Variants in KCTD19 observed in about 807,000 individuals in gnomAD.
KCTD19 encodes the protein potassium channel tetramerization domain containing 19.
KCTD19 carries 67 observed loss-of-function variants against 103.5 expected under a neutral mutation model. The observed-to-expected ratio is 0.65, with a 90% confidence interval of 0.53 to 0.79. The LOEUF (loss-of-function observed/expected upper bound fraction) is 0.79, where lower values mean the gene tolerates loss of function less well. Among genes scored for constraint, KCTD19 ranks in the 30% least tolerant of loss-of-function variants. The pLI is 0.00. For synonymous variants in KCTD19, 439 were observed against 452.2 expected, an observed-to-expected ratio of 0.97 and a Z score of 0.37; for missense variants, 980 against 1,136.1, an observed-to-expected ratio of 0.86 and a Z score of 1.98.
chr16:67,324,922 T>G (rs1421721834), intron 1 of KCTD19, among the ~76,000 whole-genome samples: 1 of 152,196 alleles, frequency 6.6e-6, no homozygotes, highest in East Asian at 1.9e-4. Context: ...GAATTCTAAG[T>G]CCCAGCCCTT....
intron 3 of KCTD19, 100 bp downstream of exon 3, chr16:67,304,321 T>G: frequency 8.6e-7 from 1 of 1,163,378 alleles, no homozygotes; most frequent in Non-Finnish European, 1.3e-6. Context: ...GCCTCAGAAA[T>G]CAGGCACTCT....
chr16:67,326,736 G>A lies in KCTD19; in HGVS notation c.-29C>T, dbSNP rs2037186412. On this transcript the variant is annotated 5_prime_UTR_variant, in exon 1 of 16. Coordinates refer to ENST00000304372, the MANE Select transcript of KCTD19 (RefSeq NM_001100915.3). ...CGCGGCTCCAGCAGCGGGCGGGCGG[G>A]CTTGTGACCCGGCCAATAACGGTTC... The A allele has an allele frequency of 8.9e-6, 14 of 1,566,502 alleles. No homozygotes were observed. The highest frequency in any genetic ancestry group is 1.2e-5 in the Non-Finnish European group (14 of 1,162,150).
chr16:67,304,485 G>A lies in KCTD19; in HGVS notation c.387C>T (p.Tyr129=). ...LPVAERASLN[Y]WRTWKCISKP... ...TGCTAATACACTTCCATGTACGCCA[G>A]TAGTTCAGAGATGCTCTCTCAGCAA... Residue 129 remains tyrosine, a synonymous_variant, in exon 3 of 16, where the codon TAC becomes TAT. Coordinates refer to ENST00000304372, the MANE Select transcript of KCTD19 (RefSeq NM_001100915.3). The A allele has an allele frequency of 6.2e-7, 1 of 1,614,084 alleles. No homozygotes were observed. Among genetic ancestry groups the A allele is most frequent in the Non-Finnish European group, 8.5e-7 (1 of 1,179,924 alleles).
chr16:67,296,067 G>C, intron 8 of KCTD19, 92 bp downstream of exon 8: 2 of 799,160 alleles, frequency 2.5e-6, no homozygotes, highest in Non-Finnish European at 4.5e-6. Flanking sequence ...CTAAGCAAGT[G>C]CTGGAAGCTG....
Position 67,320,624 on chromosome 16 carries a change from G to C in KCTD19, c.265C>G (p.Gln89Glu). The change falls in exon 2 of 16, where the codon CAA (glutamine) becomes GAA (glutamate). Residue 89 changes from glutamine (Q) to glutamate (E), a missense_variant. Transcript: ENST00000304372. The surrounding 1 kb of genome is among the most constrained non-coding windows in gnomAD (Gnocchi z 4.0). ...GGCATCAGCTGCAAACCCAATGCTT[G>C]CTCATACAGCAAGTTCAGTTCTGCA... is the stretch of plus-strand genomic sequence containing the variant. ...SCAELNLLYE[Q>E]ALGLQLMPLL... 1 of 1,614,194 alleles carries C rather than the reference G, an allele frequency of 6.2e-7. No homozygotes were observed. The highest frequency in any genetic ancestry group is 1.3e-5 in the African/African-American group (1 of 75,044).
Position 67,295,289 on chromosome 16 carries a change from G to T in KCTD19, c.1365C>A (p.Gly455=), listed in dbSNP as rs770076877. The change falls in exon 9 of 16, where the codon GGC becomes GGA. Residue 455 remains glycine, a synonymous_variant. Coordinates refer to ENST00000304372, the MANE Select transcript of KCTD19 (RefSeq NM_001100915.3). ...TAAATTCAGATGGTAAAAACAGTTTGCCAAGTCTCAGGAAGTTGAGAATGT... is the reference window on the plus strand; with the variant it reads ...TAAATTCAGATGGTAAAAACAGTTTTCCAAGTCTCAGGAAGTTGAGAATGT... ...FRHILNFLRL[G]KLFLPSEFKE... is the part of the protein sequence containing the mutation. The T allele has an allele frequency of 1.2e-6, 2 of 1,614,146 alleles. No individual in the cohort carries two copies. The highest frequency in any genetic ancestry group is 2.2e-5 in the East Asian group (1 of 44,884).
intron 2 of KCTD19, among the ~76,000 whole-genome samples, chr16:67,310,909 A>G (rs138428871): frequency 6.6e-6 from 1 of 152,356 alleles, no homozygotes; most frequent in Non-Finnish European, 1.5e-5. Context: ...CAAGGCTGGT[A>G]GAACAAAAGG....
intron 2 of KCTD19, chr16:67,305,480 C>G: frequency 2.7e-6 from 1 of 376,176 alleles, no homozygotes; most frequent in South Asian, 1.9e-5. Context: ...AAGTCCAGAG[C>G]TTGTCAGCTT....
rs1248100612 is a variant in KCTD19, at chr16:67,305,476, A to G, written c.301-905T>C. ...CCCGCCCAAGCAGTCTTCCAAGTCCAGAGCTTGTCAGCTTGAAGGATCAGG... is the reference window on the plus strand; with the variant it reads ...CCCGCCCAAGCAGTCTTCCAAGTCCGGAGCTTGTCAGCTTGAAGGATCAGG... On this transcript the variant is annotated intron_variant, in intron 2 of 15. Coordinates refer to ENST00000304372, the MANE Select transcript of KCTD19 (RefSeq NM_001100915.3). 5.4e-6 allele frequency: 2 copies of G among 370,134 alleles called. 1 individual carries two copies. The highest frequency in any genetic ancestry group is 1.1e-5 in the Non-Finnish European group (2 of 187,244). 22.9% of individuals were successfully genotyped at this position (370,134 alleles called of 1,614,324 possible).
chr16:67,297,795 C>T (rs981456866), intron 6 of KCTD19, 132 bp from the exon 7 acceptor site: 1 of 836,358 alleles, frequency 1.2e-6, no homozygotes, highest in Non-Finnish European at 1.8e-6. Context: ...ACATCGTTTC[C>T]TTGTATTTTT....
chr16:67,318,745 C>T (rs923621565), intron 2 of KCTD19, among the ~76,000 whole-genome samples: 2 of 151,946 alleles, frequency 1.3e-5, no homozygotes, highest in African/African-American at 2.4e-5. Context: ...CTCCCTTCTA[C>T]CTCAAAATGA....
chr16:67,294,579 C>T lies in KCTD19; in HGVS notation c.1590+1G>A. On this transcript the variant is annotated splice_donor_variant, in intron 11 of 15. Coordinates refer to ENST00000304372, the MANE Select transcript of KCTD19 (RefSeq NM_001100915.3). LOFTEE classifies it high-confidence loss of function. ...ACCAACCAGAGGAGGCTGGTGCTTA[C>T]TTCTTTAGTGTCTCTACTGAACTCC... 1.2e-6 allele frequency: 2 copies of T among 1,604,288 alleles called. No individual in the cohort carries two copies. The highest frequency in any genetic ancestry group is 1.7e-6 in the Non-Finnish European group (2 of 1,171,040).
In KCTD19 at chr16:67,303,110, G is replaced by GGGGGGGGGGGC; in HGVS notation, c.643+35_643+36insGCCCCCCCCCC. 1 of 947,050 alleles carries GGGGGGGGGGGC rather than the reference G, an allele frequency of 1.1e-6. No homozygotes were observed. Among genetic ancestry groups the GGGGGGGGGGGC allele is most frequent in the African/African-American group, 1.7e-5 (1 of 58,328 alleles). The allele number at this position is 947,050 out of a possible 1,614,324, so 58.7% of individuals were successfully genotyped here. ...GGGGAGGGGTGAATGGGCCCTATCA[G>GGGGGGGGGGGC]CCCGCCCCCCACCCCACCCCGGACA... On this transcript the variant is annotated intron_variant, in intron 4 of 15. Transcript: ENST00000304372. The surrounding 1 kb of genome is among the most constrained non-coding windows in gnomAD (Gnocchi z 4.3).
intron 2 of KCTD19, among the ~76,000 whole-genome samples, chr16:67,318,557 C>CAAAA (rs764640736): frequency 1.0e-4 from 6 of 59,480 alleles, no homozygotes; most frequent in Admixed American, 1.9e-4. Flanking sequence ...GACTCTATCT[C>CAAAA]AAAAAAAAAA....
intron 15 of KCTD19, among the ~76,000 whole-genome samples, chr16:67,290,334 C>T (rs1452878952): frequency 2.6e-5 from 4 of 152,010 alleles, no homozygotes; most frequent in Admixed American, 2.6e-4. Context: ...CCCACCACCA[C>T]GCCTGGCTAA....
At chr16:67,298,840 G>T (rs2036799087) in intron 6 of KCTD19, among the ~76,000 whole-genome samples, 1 of 152,180 alleles carries the variant, frequency 6.6e-6, no homozygotes, top group African/African-American at 2.4e-5. Context: ...TGGATTCCTT[G>T]CCCCTGCACT....
intron 5 of KCTD19, 137 bp from the exon 6 acceptor site, chr16:67,299,710 A>T: frequency 1.5e-6 from 1 of 645,866 alleles, no homozygotes; most frequent in Non-Finnish European, 2.6e-6. Context: ...GCACAGTCCA[A>T]ATCAAGATCT....
At chr16:67,311,229 TG>T (rs1217191299) in intron 2 of KCTD19, among the ~76,000 whole-genome samples, 1 of 152,134 alleles carries the variant, frequency 6.6e-6, no homozygotes, top group Non-Finnish European at 1.5e-5. Flanking sequence ...GAATTCAGTC[TG>T]TTATGAGAGC....
intron 7 of KCTD19, among the ~76,000 whole-genome samples, chr16:67,297,254 C>G (rs2036774807): frequency 1.3e-5 from 2 of 152,152 alleles, no homozygotes; most frequent in Admixed American, 6.5e-5. Context: ...GCAGGCCTGC[C>G]CTGGGGGTCC....
Sources: allele counts gnomAD v4.1 joint callset (sites outside exome capture counted in the v4.1 genomes callset), GRCh38; gene constraint gnomAD v4.1.1; non-coding constraint Gnocchi (gnomAD v3.1); transcripts MANE v1.5; gene names NCBI Gene and HGNC (gene_info 2026-07-23, HGNC 2026-07-21).